CNIH3: variants seen among roughly 807,000 people sequenced by gnomAD.
The protein encoded by CNIH3 is cornichon family AMPA receptor auxiliary protein 3, also known as protein cornichon homolog 3.
In CNIH3, 14 loss-of-function variants were observed where a neutral mutation model predicts 24.1. That is an observed-to-expected ratio of 0.58 (90% CI 0.38 to 0.91). CNIH3 has a LOEUF of 0.91. CNIH3 is among the 40% of genes least tolerant of loss of function. The pLI, the probability that CNIH3 is intolerant of heterozygous loss-of-function variation, is 0.00. For missense variants in CNIH3, 178 were observed against 196.8 expected, an observed-to-expected ratio of 0.90 and a Z score of 0.57; for synonymous variants, 68 against 73.8, an observed-to-expected ratio of 0.92 and a Z score of 0.40.
chr1:224,521,588 A>C (rs986666437), intron 2 of CNIH3: 1 of 152,178 alleles, frequency 6.6e-6, no homozygotes, highest in African/African-American at 2.4e-5. Context: ...GGGAAAGACA[A>C]GTTCTCCCTG....
chr1:224,533,776 G>A (rs2124935587), intron 2 of CNIH3, among the ~76,000 whole-genome samples: 1 of 152,248 alleles, frequency 6.6e-6, no homozygotes, highest in Non-Finnish European at 1.5e-5. Flanking sequence ...CCCCAATTCA[G>A]TCTAACCGCA....
At chr1:224,668,012 C>T (rs370433929) in intron 1 of CNIH3, among the ~76,000 whole-genome samples, 7 of 152,240 alleles carry the variant, frequency 4.6e-5, no homozygotes, top group African/African-American at 1.4e-4. Flanking sequence ...AATCTATGCA[C>T]ACATACAGAA....
chr1:224,586,769 A>G (rs1372497010), intron 5 of CNIH3, among the ~76,000 whole-genome samples: 1 of 152,206 alleles, frequency 6.6e-6, no homozygotes, highest in Non-Finnish European at 1.5e-5. Flanking sequence ...CCCTAAATCC[A>G]ATGACTGGTG....
intron 3 of CNIH3, among the ~76,000 whole-genome samples, chr1:224,594,611 C>T (rs938749416): frequency 2.6e-5 from 4 of 152,182 alleles, no homozygotes; most frequent in African/African-American, 9.7e-5. Flanking sequence ...ATCTAGGCCA[C>T]GGCCTTTACT....
rs759939700 is a variant in CNIH3, at chr1:224,684,887, G to C, written c.198+44G>C. On this transcript the variant is annotated intron_variant, in intron 3 of 5. Coordinates refer to ENST00000272133, the MANE Select transcript of CNIH3 (RefSeq NM_152495.2). This position sits in a 1 kb window ranked among gnomAD's most constrained non-coding sequence, Gnocchi z 4.2. Reference sequence around the variant, plus strand: ...TGCCGAGGATGGAGGATCGCATGGTGGTGGGTGGGCACACAGTGAAAGAGG... The same window carrying C: ...TGCCGAGGATGGAGGATCGCATGGTCGTGGGTGGGCACACAGTGAAAGAGG... 5.1e-6 allele frequency: 8 copies of C among 1,583,958 alleles called. No homozygotes were observed. Among genetic ancestry groups the C allele is most frequent in the Non-Finnish European group, 6.9e-6 (8 of 1,152,668 alleles).
chr1:224,613,122 T>C (rs1682777056), upstream of CNIH3, among the ~76,000 whole-genome samples: 2 of 152,168 alleles, frequency 1.3e-5, no homozygotes, highest in South Asian at 2.1e-4. Flanking sequence ...CTCAGCCTCC[T>C]GAGTAGCTGA....
At chr1:224,720,986 C>T (rs1262561334) in intron 3 of CNIH3, among the ~76,000 whole-genome samples, 1 of 152,154 alleles carries the variant, frequency 6.6e-6, no homozygotes, top group Admixed American at 6.5e-5. Flanking sequence ...TCCTTTAAAT[C>T]TCCACTTGAG....
intron 1 of CNIH3, among the ~76,000 whole-genome samples, chr1:224,680,681 C>T (rs115883041): frequency 0.018 from 2,778 of 152,258 alleles, 40 homozygotes; most frequent in Non-Finnish European, 0.029. Context: ...TCCAAACCTG[C>T]CCTCAGCACA....
At chr1:224,710,794 T>A (rs1016056477) in intron 3 of CNIH3, among the ~76,000 whole-genome samples, 1 of 152,242 alleles carries the variant, frequency 6.6e-6, no homozygotes, top group Non-Finnish European at 1.5e-5. Context: ...TAAAATGTTA[T>A]CTTTACATTT....
intron 1 of CNIH3, among the ~76,000 whole-genome samples, chr1:224,501,128 A>G (rs1677647639): frequency 6.6e-6 from 1 of 152,050 alleles, no homozygotes; most frequent in South Asian, 2.1e-4. Context: ...AAAGCATATC[A>G]TGTTTCTATC....
At chr1:224,591,059 G>A (rs1183651590), downstream of CNIH3, among the ~76,000 whole-genome samples, 3 of 152,142 alleles carry the variant, frequency 2.0e-5, no homozygotes, top group Non-Finnish European at 4.4e-5. Context: ...AGCATTCAAG[G>A]CTACCTGATC....
chr1:224,495,025 C>T (rs183333129), intron 1 of CNIH3, among the ~76,000 whole-genome samples: 1 of 152,326 alleles, frequency 6.6e-6, no homozygotes, highest in Non-Finnish European at 1.5e-5. Flanking sequence ...CACATGTACT[C>T]ATACACGCAT....
intron 1 of CNIH3, among the ~76,000 whole-genome samples, chr1:224,648,775 A>G (rs1684737369): frequency 6.6e-6 from 1 of 152,172 alleles, no homozygotes; most frequent in Non-Finnish European, 1.5e-5. Context: ...GCCCATCAGT[A>G]AGCAAGATCT....
chr1:224,664,738 T>C (rs1380774872), intron 1 of CNIH3: 2 of 152,162 alleles, frequency 1.3e-5, no homozygotes, highest in Admixed American at 1.3e-4. Flanking sequence ...TATTTTTAAT[T>C]TTTATTTTGT....
intron 2 of CNIH3, among the ~76,000 whole-genome samples, chr1:224,533,379 A>C (rs915191612): frequency 5.7e-4 from 78 of 137,584 alleles, no homozygotes; most frequent in African/African-American, 2.2e-3. Context: ...AAGAGTGAGA[A>C]CCCGTCTCAA....
intron 3 of CNIH3, among the ~76,000 whole-genome samples, chr1:224,596,965 C>T (rs570082445): frequency 6.6e-6 from 1 of 152,138 alleles, no homozygotes; most frequent in South Asian, 2.1e-4. Context: ...TCAGCCTGGC[C>T]AACGTGGTGA....
At chr1:224,577,906 A>G (rs2125009898) in intron 4 of CNIH3, among the ~76,000 whole-genome samples, 1 of 152,268 alleles carries the variant, frequency 6.6e-6, no homozygotes, top group Non-Finnish European at 1.5e-5. Flanking sequence ...GAACAAAATA[A>G]TGGCATTCAA....
intron 1 of CNIH3, among the ~76,000 whole-genome samples, chr1:224,457,699 ACT>A (rs1357330700): frequency 2.0e-5 from 3 of 151,982 alleles, no homozygotes; most frequent in African/African-American, 7.3e-5. Context: ...ACTGTTGATA[ACT>A]CTGACACCTG....
intron 3 of CNIH3, among the ~76,000 whole-genome samples, chr1:224,564,992 C>T (rs2124989957): frequency 6.6e-6 from 1 of 152,314 alleles, no homozygotes; most frequent in South Asian, 2.1e-4. Context: ...CCTTCAGTCT[C>T]ACATCACAAA....
Sources: gnomAD v4.1 joint callset for allele counts (sites outside exome capture counted in the v4.1 genomes callset) on GRCh38, gnomAD v4.1.1 for gene constraint, Gnocchi (gnomAD v3.1) non-coding constraint, MANE v1.5 for transcripts, NCBI Gene and HGNC (gene_info 2026-07-23, HGNC 2026-07-21) for gene names.